CUX1: variants seen among roughly 807,000 people sequenced by gnomAD.
CUX1 encodes the protein protein CASP.
In CUX1, 31 loss-of-function variants were observed where a neutral mutation model predicts 158.8. The ratio of observed to expected loss-of-function variants is 0.20; its 90% CI spans 0.15 to 0.26. The LOEUF (loss-of-function observed/expected upper bound fraction) is 0.26. CUX1 is among the 10% of genes least tolerant of loss of function. The pLI, the probability that CUX1 is intolerant of heterozygous loss-of-function variation, is 1.00. For missense variants in CUX1, 1,589 were observed against 2,014.6 expected (o/e 0.79, Z 4.04); for synonymous variants, 879 against 862.1 (o/e 1.02, Z -0.34).
At chr7:101,952,426 C>A (rs1048904484) in intron 2 of CUX1, among the ~76,000 whole-genome samples, 4 of 152,160 alleles carry the variant, frequency 2.6e-5, no homozygotes, top group African/African-American at 9.7e-5. Context: ...CTACTCCAGA[C>A]CTGCTGAATC....
intron 2 of CUX1, among the ~76,000 whole-genome samples, chr7:102,027,070 T>C (rs1820123221): frequency 6.6e-6 from 1 of 151,948 alleles, no homozygotes; most frequent in African/African-American, 2.4e-5. Flanking sequence ...AGGCTGTATC[T>C]CCGACTTAAC....
intron 3 of CUX1, among the ~76,000 whole-genome samples, chr7:102,045,720 G>A (rs1269905104): frequency 2.0e-5 from 3 of 152,270 alleles, no homozygotes; most frequent in African/African-American, 7.2e-5. Context: ...ACCATTGTAT[G>A]TAATGAACAA....
At chr7:102,126,945 A>G (rs1253141076) in intron 8 of CUX1, among the ~76,000 whole-genome samples, 1 of 152,236 alleles carries the variant, frequency 6.6e-6, no homozygotes, top group Non-Finnish European at 1.5e-5. Flanking sequence ...ATCAGGCATT[A>G]GATTCTCATA....
At chr7:102,158,292 T>A (rs1790012747) in intron 8 of CUX1, among the ~76,000 whole-genome samples, 1 of 152,188 alleles carries the variant, frequency 6.6e-6, no homozygotes, top group Admixed American at 6.6e-5. Context: ...GTATTTTATA[T>A]TTTTATGGTT....
At chr7:102,223,388 A>C (rs564912843) in intron 20 of CUX1, among the ~76,000 whole-genome samples, 1 of 152,286 alleles carries the variant, frequency 6.6e-6, no homozygotes, top group East Asian at 1.9e-4. Flanking sequence ...GCACTCAGTC[A>C]TAAGATTTAT....
chr7:102,277,588 G>A (rs528883140), intron 17 of CUX1, among the ~76,000 whole-genome samples: 12 of 151,472 alleles, frequency 7.9e-5, no homozygotes, highest in East Asian at 5.8e-4. Context: ...CAACAAGAGC[G>A]AAACTCCATA....
chr7:101,964,117 C>T (rs1288072222), intron 2 of CUX1, among the ~76,000 whole-genome samples: 2 of 151,978 alleles, frequency 1.3e-5, no homozygotes, highest in Non-Finnish European at 2.9e-5. Context: ...TTTGGGAGGC[C>T]GAGGCAGGTG....
intron 4 of CUX1, among the ~76,000 whole-genome samples, chr7:102,076,862 C>T (rs1348221598): frequency 2.0e-5 from 3 of 151,864 alleles, no homozygotes; most frequent in Admixed American, 1.3e-4. Context: ...GGTAAAACCC[C>T]GTCTCTACAA....
intron 4 of CUX1, among the ~76,000 whole-genome samples, chr7:102,076,379 T>C (rs1826722779): frequency 6.7e-6 from 1 of 150,230 alleles, no homozygotes; most frequent in African/African-American, 2.4e-5. Flanking sequence ...AGCAAGACTG[T>C]CTAAAAAATA....
At chr7:101,960,355 C>A (rs1216133159) in intron 2 of CUX1, 7 of 152,170 alleles carry the variant, frequency 4.6e-5, no homozygotes, top group Non-Finnish European at 8.8e-5. Context: ...TCAATGAGGG[C>A]CAGTTGCAGT....
intron 1 of CUX1, among the ~76,000 whole-genome samples, chr7:101,856,206 A>AG (rs34387433): frequency 0.035 from 5,095 of 145,128 alleles, 406 homozygotes; most frequent in African/African-American, 0.13. Flanking sequence ...AAAAAAAAAA[A>AG]GGAAACAAGA....
chr7:101,890,016 C>G (rs1190885743), intron 1 of CUX1, among the ~76,000 whole-genome samples: 1 of 152,126 alleles, frequency 6.6e-6, no homozygotes, highest in African/African-American at 2.4e-5. Flanking sequence ...ATGGTGGAAC[C>G]ACTCCCGCCA....
intron 1 of CUX1, among the ~76,000 whole-genome samples, chr7:101,857,956 C>G (rs952544312): frequency 6.6e-6 from 1 of 152,108 alleles, no homozygotes; most frequent in African/African-American, 2.4e-5. Context: ...AACCCCGTCT[C>G]TACTAAAAAT....
At chr7:102,265,110 C>T (rs2132758917) in intron 14 of CUX1, 2 of 152,294 alleles carry the variant, frequency 1.3e-5, no homozygotes, top group Middle Eastern at 6.8e-3. Context: ...AATCCCAGCA[C>T]TTTGGGAGGC....
chr7:101,816,629 G>T (rs1333627304), upstream of CUX1, among the ~76,000 whole-genome samples: 1 of 144,536 alleles, frequency 6.9e-6, no homozygotes, highest in East Asian at 2.1e-4. Context: ...AAAGTTTGTG[G>T]GGAGTTGCTG....
intron 20 of CUX1, among the ~76,000 whole-genome samples, chr7:102,217,877 A>G (rs1554525458): frequency 6.6e-6 from 1 of 150,700 alleles, no homozygotes; most frequent in African/African-American, 2.5e-5. Flanking sequence ...GATGGATGCG[A>G]TGGTGTCTAG....
intron 8 of CUX1, among the ~76,000 whole-genome samples, chr7:102,142,045 G>T (rs1312112314): frequency 8.5e-5 from 13 of 152,088 alleles, no homozygotes; most frequent in Non-Finnish European, 1.6e-4. Context: ...GAGACAGGTT[G>T]CCTACCATGC....
At chr7:102,153,077 T>C (rs1167299070) in intron 8 of CUX1, among the ~76,000 whole-genome samples, 1 of 152,238 alleles carries the variant, frequency 6.6e-6, no homozygotes, top group Non-Finnish European at 1.5e-5. Context: ...TCAGTGGGAC[T>C]GATTTTTTTA....
intron 1 of CUX1, among the ~76,000 whole-genome samples, chr7:101,867,877 C>T (rs530103324): frequency 3.9e-5 from 6 of 151,916 alleles, no homozygotes; most frequent in South Asian, 2.1e-4. Context: ...TGCAGTGGCA[C>T]GATCTCAGCT....
Sources: allele counts gnomAD v4.1 joint callset (sites outside exome capture counted in the v4.1 genomes callset), GRCh38; gene constraint gnomAD v4.1.1; transcripts MANE v1.5; gene names NCBI Gene and HGNC (gene_info 2026-07-23, HGNC 2026-07-21).